Variants in TAF4 observed in about 807,000 individuals in gnomAD.
TAF4 encodes the protein transcription initiation factor TFIID subunit 4.
Under a neutral mutation model 90.3 loss-of-function variants are expected in TAF4, and 9 were observed. That is an observed-to-expected ratio of 0.10 (90% CI 0.06 to 0.17). The LOEUF is 0.17. TAF4 is among the 10% of genes least tolerant of loss of function. TAF4 has a pLI of 1.00. For missense variants in TAF4, 1,351 were observed against 1,370.7 expected, an observed-to-expected ratio of 0.99 and a Z score of 0.23; for synonymous variants, 818 against 638.9, an observed-to-expected ratio of 1.28 and a Z score of -4.23.
chr20:61,998,852 C>T, intron 12 of TAF4, 131 bp downstream of exon 12: 2 of 1,158,406 alleles, frequency 1.7e-6, no homozygotes, highest in South Asian at 1.4e-5. Context: ...CTGACAGCAC[C>T]CATCACCTTT....
intron 14 of TAF4, among the ~76,000 whole-genome samples, chr20:61,982,937 A>G (rs2055559692): frequency 6.9e-6 from 1 of 143,938 alleles, no homozygotes; most frequent in Non-Finnish European, 1.5e-5. Flanking sequence ...CTTCTGAGCC[A>G]GCCAAGCCGC....
At chr20:62,048,903 G>A (rs373818188) in intron 1 of TAF4, among the ~76,000 whole-genome samples, 3 of 76,982 alleles carry the variant, frequency 3.9e-5, no homozygotes, top group South Asian at 8.5e-4. Context: ...CCCTCTCCCT[G>A]CATGCCCACG....
chr20:61,982,758 C>T (rs1052467265), intron 14 of TAF4, among the ~76,000 whole-genome samples: 2 of 151,342 alleles, frequency 1.3e-5, no homozygotes, highest in Non-Finnish European at 2.9e-5. Context: ...CAGTGGGCGG[C>T]GGGACTCTGA....
In TAF4 at chr20:61,975,909, T is replaced by C. The variant is rs2055491181; in HGVS notation, c.*259A>G. ...TTGCTAACGATTCCATCAGTCTTTATATATGGCTTGTTTGGCAGGAAGGCC... is the reference window on the plus strand; with the variant it reads ...TTGCTAACGATTCCATCAGTCTTTACATATGGCTTGTTTGGCAGGAAGGCC... On this transcript the variant is annotated 3_prime_UTR_variant, in exon 15 of 15. Coordinates refer to ENST00000252996, the MANE Select transcript of TAF4 (RefSeq NM_003185.4). 5 of 490,096 alleles carry C rather than the reference T, an allele frequency of 1.0e-5. No individual in the cohort carries two copies. The highest frequency in any genetic ancestry group is 1.0e-4 in the East Asian group (3 of 29,486). 30.4% of individuals were successfully genotyped at this position (490,096 alleles called of 1,614,324 possible). A position where few individuals can be genotyped will look rare whatever the true frequency, so the allele number is the denominator to read the frequency against.
At chr20:61,992,240 A>G (rs896208264) in intron 14 of TAF4, among the ~76,000 whole-genome samples, 6 of 152,230 alleles carry the variant, frequency 3.9e-5, no homozygotes, top group Admixed American at 2.0e-4. Context: ...TGTAACAGCT[A>G]AATGTTTCGA....
intron 1 of TAF4, among the ~76,000 whole-genome samples, chr20:62,052,709 C>A (rs562720500): frequency 6.6e-6 from 1 of 150,544 alleles, no homozygotes; most frequent in Non-Finnish European, 1.5e-5. Context: ...GTGCCTCGCG[C>A]CACCCCCCAC....
rs76479534 is a variant in TAF4, at chr20:61,978,813, C to T, written c.3091-2478G>A. 595 of 153,780 alleles carry T rather than the reference C, an allele frequency of 3.9e-3. 2 individuals carry two copies. The highest frequency in any genetic ancestry group is 5.5e-3 in the Non-Finnish European group (372 of 68,150). 9.5% of individuals were successfully genotyped at this position (153,780 alleles called of 1,614,324 possible). A position where few individuals can be genotyped will look rare whatever the true frequency, so the allele number is the denominator to read the frequency against. On this transcript the variant is annotated intron_variant, in intron 14 of 14. Transcript: ENST00000252996. ...ACTGATGCCAGGCCCTGCTTCTGCA[C>T]CAAGCTCTGAAGGTGCACTATGAAT...
intron 1 of TAF4, among the ~76,000 whole-genome samples, chr20:62,047,883 AC>A (rs1024988166): frequency 6.6e-6 from 1 of 152,280 alleles, no homozygotes; most frequent in Non-Finnish European, 1.5e-5. Flanking sequence ...TTTTATAAAC[AC>A]CAGCACCCGG....
intron 1 of TAF4, among the ~76,000 whole-genome samples, chr20:62,017,840 A>G (rs1281942619): frequency 6.6e-6 from 1 of 152,202 alleles, no homozygotes; most frequent in African/African-American, 2.4e-5. Context: ...CCTCAAAAAA[A>G]AAGAAAAAAA....
In TAF4 at chr20:62,010,227, C is replaced by A; in HGVS notation, c.1642-62G>T. 2 of 1,609,736 alleles carry A rather than the reference C, an allele frequency of 1.2e-6. No individual in the cohort carries two copies. Among genetic ancestry groups the A allele is most frequent in the African/African-American group, 1.3e-5 (1 of 74,936 alleles). On this transcript the variant is annotated intron_variant, in intron 3 of 14. Coordinates refer to ENST00000252996, the MANE Select transcript of TAF4 (RefSeq NM_003185.4). The surrounding 1 kb of genome is among the most constrained non-coding windows in gnomAD (Gnocchi z 4.5). ...ACGCCACCAGCTGACGAGGGGGAGACCAGCCTCACGCCCAGCAAAAGAAAA... is the reference window on the plus strand; with the variant it reads ...ACGCCACCAGCTGACGAGGGGGAGAACAGCCTCACGCCCAGCAAAAGAAAA...
chr20:62,014,037 T>G (rs113529636), intron 2 of TAF4, among the ~76,000 whole-genome samples: 13,984 of 139,500 alleles, frequency 0.1, 1,130 homozygotes, highest in East Asian at 0.44. Context: ...TGTGTGTGTG[T>G]GTGTGTGTAT....
At chr20:62,060,634 C>T (rs2056084323) in intron 1 of TAF4, among the ~76,000 whole-genome samples, 1 of 152,238 alleles carries the variant, frequency 6.6e-6, no homozygotes, top group African/African-American at 2.4e-5. Context: ...CACAGCTCCC[C>T]AAAAGTTCTT....
chr20:62,050,781 C>G (rs1015367624), intron 1 of TAF4, among the ~76,000 whole-genome samples: 2 of 152,106 alleles, frequency 1.3e-5, no homozygotes, highest in Non-Finnish European at 2.9e-5. Context: ...CAGAAAGGAC[C>G]TCTGCCGAGG....
chr20:62,030,386 T>C (rs1431253213), intron 1 of TAF4, among the ~76,000 whole-genome samples: 1 of 152,170 alleles, frequency 6.6e-6, no homozygotes, highest in Non-Finnish European at 1.5e-5. Context: ...CTAATTTAGA[T>C]TCGCTTTCAT....
chr20:62,065,318 CGGCGGGGCCGGCGGGCTT>C lies in TAF4; in HGVS notation c.475_492del (p.Lys159_Ala164del), dbSNP rs1181621664. On this transcript the variant is annotated inframe_deletion, in exon 1 of 15. Coordinates refer to ENST00000252996, the MANE Select transcript of TAF4 (RefSeq NM_003185.4). ...CCGGGGCCGGCGCGGGCGGCCAGCGCGGCGGGGCCGGCGGGCTTGGCGGGGCCGGCGGGGGCGGGCTCG... is the reference window on the plus strand; with the variant it reads ...CCGGGGCCGGCGCGGGCGGCCAGCGCGGCGGGGCCGGCGGGGGCGGGCTCG... 2.3e-4 allele frequency: 213 copies of C among 932,334 alleles called. No individual in the cohort carries two copies. The highest frequency in any genetic ancestry group is 1.6e-3 in the East Asian group (12 of 7,586). 57.8% of individuals were successfully genotyped at this position (932,334 alleles called of 1,614,324 possible).
intron 7 of TAF4, chr20:62,005,205 C>A (rs2031732028): frequency 2.6e-5 from 4 of 152,184 alleles, no homozygotes; most frequent in Admixed American, 2.6e-4. Context: ...CCGGGCCAGG[C>A]CCTGCGGTGC....
At chr20:62,059,091 G>C (rs995839071) in intron 1 of TAF4, among the ~76,000 whole-genome samples, 1 of 152,216 alleles carries the variant, frequency 6.6e-6, no homozygotes. Context: ...CTCACACGCG[G>C]TTCCCAACGA....
rs28382114 is a variant in TAF4 at position 61,999,116 on chromosome 20, G to A, written c.2788-8C>T. On this transcript the variant is annotated splice_region_variant and splice_polypyrimidine_tract_variant and intron_variant, in intron 11 of 14. Coordinates refer to ENST00000252996, the MANE Select transcript of TAF4 (RefSeq NM_003185.4). Reference sequence around the variant, plus strand: ...CTCATATCTGTCGTCATCCTATGAAGAAAGTTAAAATACTGCTTGTCATAA... The same window carrying A: ...CTCATATCTGTCGTCATCCTATGAAAAAAGTTAAAATACTGCTTGTCATAA... The A allele has an allele frequency of 1.9e-5, 30 of 1,613,748 alleles. No homozygotes were observed. The Admixed American group carries it at 2.7e-4, about 14-fold the overall frequency.
intron 1 of TAF4, among the ~76,000 whole-genome samples, chr20:62,048,325 T>C (rs553207619): frequency 3.0e-4 from 46 of 152,120 alleles, no homozygotes; most frequent in Non-Finnish European, 4.6e-4. Flanking sequence ...TAGGAAAGGA[T>C]GGGAGTTGTC....
Sources: allele counts gnomAD v4.1 joint callset (sites outside exome capture counted in the v4.1 genomes callset), GRCh38; gene constraint gnomAD v4.1.1; non-coding constraint Gnocchi (gnomAD v3.1); transcripts MANE v1.5; gene names NCBI Gene and HGNC (gene_info 2026-07-23, HGNC 2026-07-21).